The following CNTNAP4 variants were observed in gnomAD, a reference collection of about 807,000 sequenced individuals.
CNTNAP4 encodes the protein contactin-associated protein-like 4.
A neutral mutation model predicts 148.4 loss-of-function variants in CNTNAP4; 98 were observed. That is an observed-to-expected ratio of 0.66 (90% CI 0.56 to 0.78). CNTNAP4 has a LOEUF of 0.78. CNTNAP4 is among the 30% of genes least tolerant of loss of function. The pLI, the probability that CNTNAP4 is intolerant of heterozygous loss-of-function variation, is 0.00. For synonymous variants in CNTNAP4, 730 were observed against 565.1 expected (o/e 1.29, Z -4.14); for missense variants, 1,935 against 1,565.6 (o/e 1.24, Z -3.98).
At chr16:76,397,314 C>G (rs116686783) in intron 3 of CNTNAP4, among the ~76,000 whole-genome samples, 75 of 151,902 alleles carry the variant, frequency 4.9e-4, no homozygotes, top group African/African-American at 1.8e-3. Context: ...GTATGACAGT[C>G]AGAAGAATGC....
In CNTNAP4 at chr16:76,479,423, C is replaced by T; in HGVS notation, c.1767C>T (p.Ile589=). ...GYRGATCHNS[I]YEQSCEAYKH... Reference sequence around the variant, plus strand: ...TGATGATTTTTTTTCTTAAAGCTATCTATGAGCAGTCATGTGAAGCCTATA... The same window carrying T: ...TGATGATTTTTTTTCTTAAAGCTATTTATGAGCAGTCATGTGAAGCCTATA... The change falls in exon 12 of 24, where the codon ATC becomes ATT. Residue 589 remains isoleucine, a synonymous_variant. Transcript: ENST00000611870. The T allele has an allele frequency of 6.3e-7, 1 of 1,592,554 alleles. No homozygotes were observed. The highest frequency in any genetic ancestry group is 1.3e-5 in the African/African-American group (1 of 74,206).
intron 3 of CNTNAP4, among the ~76,000 whole-genome samples, chr16:76,366,634 T>G (rs1260266452): frequency 1.3e-5 from 2 of 152,170 alleles, no homozygotes; most frequent in East Asian, 3.9e-4. Flanking sequence ...ATTTCTACTA[T>G]TCTGGGTATG....
At chr16:76,355,603 A>C (rs1422934093) in intron 3 of CNTNAP4, 92 bp downstream of exon 3, 2 of 886,816 alleles carry the variant, frequency 2.3e-6, no homozygotes, top group Non-Finnish European at 3.2e-6. Context: ...AAGTAGACAT[A>C]CAGAATCTGC....
intron 1 of CNTNAP4, among the ~76,000 whole-genome samples, chr16:76,279,669 T>A (rs1254276588): frequency 1.3e-5 from 2 of 152,182 alleles, no homozygotes. Context: ...AAAGTTGGAG[T>A]TCTTGCTTAC....
chr16:76,342,920 T>G (rs1964598504), intron 2 of CNTNAP4, among the ~76,000 whole-genome samples: 1 of 152,208 alleles, frequency 6.6e-6, no homozygotes, highest in South Asian at 2.1e-4. Flanking sequence ...CAAAAGTATT[T>G]GCTTTTCACA....
intron 1 of CNTNAP4, among the ~76,000 whole-genome samples, chr16:76,283,374 G>A (rs1958762926): frequency 6.6e-6 from 1 of 151,922 alleles, no homozygotes; most frequent in East Asian, 1.9e-4. Context: ...GTTCATTGCA[G>A]CACTCTTTAC....
chr16:76,373,144 C>T (rs1452359434), intron 3 of CNTNAP4, among the ~76,000 whole-genome samples: 2 of 134,012 alleles, frequency 1.5e-5, no homozygotes, highest in East Asian at 2.2e-4. Flanking sequence ...ATATATTCCA[C>T]ATAAATAGGT....
At chr16:76,466,403 TA>T (rs923680685) in intron 9 of CNTNAP4, among the ~76,000 whole-genome samples, 21 of 152,170 alleles carry the variant, frequency 1.4e-4, no homozygotes, top group Admixed American at 6.5e-5. Context: ...TAAAATAGTT[TA>T]AATGGATTGT....
intron 21 of CNTNAP4, among the ~76,000 whole-genome samples, chr16:76,546,414 G>A (rs2084736665): frequency 6.6e-6 from 1 of 152,218 alleles, no homozygotes; most frequent in Non-Finnish European, 1.5e-5. Context: ...ATCAGCCACA[G>A]CATTAGATTC....
intron 15 of CNTNAP4, among the ~76,000 whole-genome samples, chr16:76,501,012 G>A (rs1024648961): frequency 7.2e-5 from 11 of 152,172 alleles, no homozygotes; most frequent in Non-Finnish European, 1.6e-4. Context: ...TGATAATTCA[G>A]TGGATTTATG....
intron 3 of CNTNAP4, among the ~76,000 whole-genome samples, chr16:76,419,574 A>G (rs1198017897): frequency 1.3e-5 from 2 of 151,958 alleles, no homozygotes; most frequent in Non-Finnish European, 2.9e-5. Flanking sequence ...TTTTCCTGTC[A>G]GTTTCTGGTG....
chr16:76,322,404 A>G (rs1962518573), intron 2 of CNTNAP4, among the ~76,000 whole-genome samples: 1 of 151,652 alleles, frequency 6.6e-6, no homozygotes. Context: ...CAGCTCTTCC[A>G]CTCTCCTTCT....
intron 15 of CNTNAP4, among the ~76,000 whole-genome samples, chr16:76,513,458 C>T (rs2083109991): frequency 6.6e-6 from 1 of 152,120 alleles, no homozygotes; most frequent in African/African-American, 2.4e-5. Context: ...TTCTTTAAAA[C>T]CCGATGTTTA....
chr16:76,388,720 G>T (rs1462460490), intron 3 of CNTNAP4, among the ~76,000 whole-genome samples: 2 of 152,120 alleles, frequency 1.3e-5, no homozygotes, highest in Non-Finnish European at 2.9e-5. Context: ...CATTTTAGAT[G>T]CATCTAGATA....
At chr16:76,400,363 T>C (rs1213787215) in intron 3 of CNTNAP4, among the ~76,000 whole-genome samples, 1 of 152,200 alleles carries the variant, frequency 6.6e-6, no homozygotes, top group Non-Finnish European at 1.5e-5. Flanking sequence ...ATATATTGCA[T>C]TCCATAAATA....
intron 2 of CNTNAP4, among the ~76,000 whole-genome samples, chr16:76,331,212 G>T (rs900466801): frequency 2.7e-5 from 4 of 150,906 alleles, no homozygotes; most frequent in African/African-American, 9.7e-5. Context: ...TTTTTAGACA[G>T]AGTCTCGCTC....
At chr16:76,532,824 G>C (rs1004744319) in intron 17 of CNTNAP4, among the ~76,000 whole-genome samples, 1 of 152,142 alleles carries the variant, frequency 6.6e-6, no homozygotes, top group African/African-American at 2.4e-5. Context: ...TGAGTCAACA[G>C]AGTGGAAGAA....
chr16:76,322,193 G>C (rs1962491727), intron 2 of CNTNAP4, among the ~76,000 whole-genome samples: 1 of 152,214 alleles, frequency 6.6e-6, no homozygotes, highest in South Asian at 2.1e-4. Context: ...CCTTCCTGCT[G>C]ATTCAGGCTG....
At chr16:76,460,773 A>AAAAAAAAAAAAATATATATATAT in intron 8 of CNTNAP4, among the ~76,000 whole-genome samples, 1 of 57,324 alleles carries the variant, frequency 1.7e-5, no homozygotes, top group East Asian at 5.1e-4. Context: ...AAAAAAAAAA[A>AAAAAAAAAAAAATATATATATAT]ATATATATAT....
Sources: gnomAD v4.1 joint callset for allele counts (sites outside exome capture counted in the v4.1 genomes callset) on GRCh38, gnomAD v4.1.1 for gene constraint, MANE v1.5 for transcripts, NCBI Gene and HGNC (gene_info 2026-07-23, HGNC 2026-07-21) for gene names.